The following DLGAP5 variants were observed in gnomAD, a reference collection of about 807,000 sequenced individuals.
DLGAP5 encodes DLG associated protein 5, also known as disks large-associated protein 5.
Under a neutral mutation model 99.6 loss-of-function variants are expected in DLGAP5, and 90 were observed. The observed-to-expected ratio is 0.90, with a 90% CI of 0.76 to 1.08. DLGAP5 has a LOEUF of 1.08. Among genes scored for constraint, DLGAP5 ranks in the 50% least tolerant of loss-of-function variants. The probability of loss-of-function intolerance (pLI) is 0.00; values close to 1 mark genes in which losing one functional copy is unlikely to be tolerated. For synonymous variants in DLGAP5, 311 were observed against 321.3 expected (o/e 0.97, Z 0.34); for missense variants, 1,036 against 983.5 (o/e 1.05, Z -0.71).
intron 15 of DLGAP5, among the ~76,000 whole-genome samples, chr14:55,153,911 C>G (rs567029475): frequency 1.3e-5 from 2 of 152,062 alleles, no homozygotes; most frequent in African/African-American, 2.4e-5. Flanking sequence ...CAAAAATTAG[C>G]TGGGCGTGGT....
intron 18 of DLGAP5, among the ~76,000 whole-genome samples, chr14:55,149,804 G>C (rs1278929964): frequency 1.5e-5 from 1 of 66,182 alleles, no homozygotes; most frequent in Non-Finnish European, 2.6e-5. Context: ...CCAGCACTTT[G>C]AGAATCGGGG....
rs750334122 is a variant in DLGAP5 at position 55,159,332 on chromosome 14, TAC to T, written c.1654-593_1654-592del. Among the ~76,000 whole-genome samples the T allele has an allele frequency of 5.3e-5, 8 of 152,300 alleles. No homozygotes were observed. The East Asian group carries it at 1.3e-3, about 26-fold the overall frequency. On this transcript the variant is annotated intron_variant, in intron 13 of 18. Coordinates refer to ENST00000247191, the MANE Select transcript of DLGAP5 (RefSeq NM_014750.5). Reference sequence around the variant, plus strand: ...GTAATGGTCTTAAGAAAGTCACATTTACACAGAGGACAAGGGAACAGAGAGTT... The same window carrying T: ...GTAATGGTCTTAAGAAAGTCACATTTACAGAGGACAAGGGAACAGAGAGTT...
chr14:55,168,020 T>C (rs2140315854), intron 12 of DLGAP5, among the ~76,000 whole-genome samples: 1 of 152,264 alleles, frequency 6.6e-6, no homozygotes, highest in South Asian at 2.1e-4. Context: ...CTGGAATTCC[T>C]ATAATTTGGC....
At chr14:55,153,292 C>T (rs1882080773) in intron 15 of DLGAP5, among the ~76,000 whole-genome samples, 2 of 152,272 alleles carry the variant, frequency 1.3e-5, no homozygotes, top group South Asian at 2.1e-4. Flanking sequence ...CCTGTAATCC[C>T]AGCACTTGGG....
At chr14:55,185,594 C>G (rs1404262334) in intron 2 of DLGAP5, among the ~76,000 whole-genome samples, 1 of 152,182 alleles carries the variant, frequency 6.6e-6, no homozygotes, top group Non-Finnish European at 1.5e-5. Flanking sequence ...TCAAGCAATT[C>G]TGCCTCAGCC....
At position 55,182,404 on chromosome 14, in the gene DLGAP5, C is replaced by A; in HGVS notation, c.461G>T (p.Arg154Met). The A allele has an allele frequency of 6.2e-7, 1 of 1,612,788 alleles. No homozygotes were observed. The highest frequency in any genetic ancestry group is 8.5e-7 in the Non-Finnish European group (1 of 1,179,212). Residue 154 changes from arginine to methionine, a missense_variant, in exon 4 of 19, where the codon AGG becomes ATG. Coordinates refer to ENST00000247191, the MANE Select transcript of DLGAP5 (RefSeq NM_014750.5). Reference protein sequence around the residue: ...KAIPSSVRITRSKAKDQMEQT... With the variant: ...KAIPSSVRITMSKAKDQMEQT... ...CTCCATTTGGTCTTTGGCCTTTGACCTTGTAATCCGTACAGAAGATGGAAT... is the reference window on the plus strand; with the variant it reads ...CTCCATTTGGTCTTTGGCCTTTGACATTGTAATCCGTACAGAAGATGGAAT...
intron 10 of DLGAP5, among the ~76,000 whole-genome samples, chr14:55,173,265 G>T (rs1334730443): frequency 1.1e-5 from 1 of 92,456 alleles, no homozygotes; most frequent in Non-Finnish European, 2.0e-5. Context: ...TAAGACCCCC[G>T]TCTCTACAAA....
At chr14:55,149,482 G>C (rs1341840728) in intron 18 of DLGAP5, among the ~76,000 whole-genome samples, 2 of 152,114 alleles carry the variant, frequency 1.3e-5, no homozygotes, top group Non-Finnish European at 2.9e-5. Flanking sequence ...GATATACAAG[G>C]GTCTTTAAGG....
chr14:55,188,742 G>A (rs1266076147), intron 2 of DLGAP5, among the ~76,000 whole-genome samples, 200 bp downstream of exon 2: 2 of 142,104 alleles, frequency 1.4e-5, no homozygotes, highest in African/African-American at 2.7e-5. Flanking sequence ...CTGCACTCCC[G>A]CCTGGGTGAC....
rs755598015 is a variant in DLGAP5, at chr14:55,183,546, G to A, written c.432+14C>T. 2 of 1,531,990 alleles carry A rather than the reference G, an allele frequency of 1.3e-6. No individual in the cohort carries two copies. Among genetic ancestry groups the A allele is most frequent in the Non-Finnish European group, 1.7e-6 (2 of 1,146,162 alleles). 94.9% of individuals were successfully genotyped at this position (1,531,990 alleles called of 1,614,324 possible). A position where few individuals can be genotyped will look rare whatever the true frequency, so the allele number is the denominator to read the frequency against. ...AAAAGAAACTATTCCTTTATATTAA[G>A]ACACTAAATTTACCTTTTTTGGCTC... is the stretch of plus-strand genomic sequence containing the variant. On this transcript the variant is annotated intron_variant, in intron 3 of 18. Transcript: ENST00000247191.
intron 10 of DLGAP5, among the ~76,000 whole-genome samples, chr14:55,173,372 G>C (rs1299261656): frequency 6.6e-6 from 1 of 151,708 alleles, no homozygotes; most frequent in African/African-American, 2.4e-5. Flanking sequence ...GCTGCGGTGA[G>C]CTGAGATCAC....
At position 55,180,798 on chromosome 14, in the gene DLGAP5, C is replaced by T. The variant is rs981204632; in HGVS notation, c.581-20G>A. ...GCACAACTGTGGGAAAAAAAAATAA[C>T]TACATCAAATGTCCCTTGTAGTTAT... On this transcript the variant is annotated intron_variant, in intron 5 of 18. Transcript: ENST00000247191. 2 of 1,613,904 alleles carry T rather than the reference C, an allele frequency of 1.2e-6. No individual in the cohort carries two copies. The highest frequency in any genetic ancestry group is 1.7e-6 in the Non-Finnish European group (2 of 1,179,900).
intron 2 of DLGAP5, among the ~76,000 whole-genome samples, chr14:55,185,041 A>G (rs1279956078): frequency 7.2e-5 from 11 of 152,160 alleles, no homozygotes; most frequent in Non-Finnish European, 5.9e-5. Context: ...TTATCCTCTT[A>G]CTCATCTATT....
chr14:55,167,399 T>C (rs767635592), intron 12 of DLGAP5, among the ~76,000 whole-genome samples: 1 of 152,182 alleles, frequency 6.6e-6, no homozygotes. Context: ...CTGGTAAATA[T>C]ATAAAAACTC....
chr14:55,152,781 C>T (rs1882064232), intron 15 of DLGAP5, 134 bp from the exon 16 acceptor site: 2 of 671,038 alleles, frequency 3.0e-6, no homozygotes, highest in Non-Finnish European at 4.6e-6. Flanking sequence ...CAAGATCAGG[C>T]GTGATCCAGA....
chr14:55,164,035 G>A (rs1464973794), intron 12 of DLGAP5, among the ~76,000 whole-genome samples: 1 of 152,146 alleles, frequency 6.6e-6, no homozygotes, highest in Non-Finnish European at 1.5e-5. Flanking sequence ...TTAATAGGAT[G>A]GAAATATAAT....
chr14:55,175,426 G>T lies in DLGAP5; in HGVS notation c.1221C>A (p.Gly407=). The T allele has an allele frequency of 2.6e-6, 4 of 1,540,626 alleles. No homozygotes were observed. Among genetic ancestry groups the T allele is most frequent in the Non-Finnish European group, 3.6e-6 (4 of 1,119,618 alleles). Residue 407 remains glycine (G), a synonymous_variant, in exon 10 of 19, where the codon GGC becomes GGA. Transcript: ENST00000247191. ...KNEATTKNLN[G]LPIKEVPSLE... is the part of the protein sequence containing the mutation. ...GTGATGGGACTTCTTTTATTGGAAGGCCATTTAAATTTTTAGTAGTAGCTT... is the reference window on the plus strand; with the variant it reads ...GTGATGGGACTTCTTTTATTGGAAGTCCATTTAAATTTTTAGTAGTAGCTT...
At chr14:55,181,105 ACT>A (rs1342641959) in intron 5 of DLGAP5, 106 bp downstream of exon 5, 5 of 1,078,036 alleles carry the variant, frequency 4.6e-6, no homozygotes, top group South Asian at 4.6e-5. Flanking sequence ...ACAGAGCAAG[ACT>A]CTGTCACAAA....
Position 55,158,637 on chromosome 14 carries a change from T to A in DLGAP5, c.1758A>T (p.Arg586Ser), listed in dbSNP as rs776508223. ...TTTCAGCACATTCTTCCTGCCTAAT[T>A]CTCTCTCTCATTGCATTTTTTATGG... ...LAAIKNAMRE[R>S]IRQEECAETA... Residue 586 changes from arginine to serine, a missense_variant, in exon 14 of 19, where the codon AGA becomes AGT. Arg to Ser is a moderately radical substitution (Grantham distance 110, BLOSUM62 -1). Coordinates refer to ENST00000247191, the MANE Select transcript of DLGAP5 (RefSeq NM_014750.5). 91 of 1,613,228 alleles carry A rather than the reference T, an allele frequency of 5.6e-5. No individual in the cohort carries two copies. The highest frequency in any genetic ancestry group is 7.6e-5 in the Non-Finnish European group (90 of 1,179,532).
Sources: allele counts gnomAD v4.1 joint callset (sites outside exome capture counted in the v4.1 genomes callset), GRCh38; gene constraint gnomAD v4.1.1; transcripts MANE v1.5; gene names NCBI Gene and HGNC (gene_info 2026-07-23, HGNC 2026-07-21).